LINGO1: variants seen among roughly 807,000 people sequenced by gnomAD.
The protein encoded by LINGO1 is leucine-rich repeat and immunoglobulin-like domain-containing nogo receptor-interacting protein 1.
A neutral mutation model predicts 37.3 loss-of-function variants in LINGO1; 11 were observed. The observed-to-expected ratio is 0.29, with a 90% CI of 0.19 to 0.49. The LOEUF is 0.49. Ranked by LOEUF, LINGO1 falls within the 20% of genes least tolerant of loss-of-function variation. The probability of loss-of-function intolerance (pLI) is 0.99; values close to 1 mark genes in which losing one functional copy is unlikely to be tolerated. For synonymous variants in LINGO1, 387 were observed against 403.0 expected (o/e 0.96, Z 0.48); for missense variants, 585 against 878.2 (o/e 0.67, Z 4.22).
chr15:77,697,254 A>G (rs1481304182), upstream of LINGO1, among the ~76,000 whole-genome samples: 1 of 152,130 alleles, frequency 6.6e-6, no homozygotes, highest in Non-Finnish European at 1.5e-5. Context: ...TGATGGTGGC[A>G]GGGTGGGGAT....
intron 1 of LINGO1, among the ~76,000 whole-genome samples, chr15:77,768,604 G>A (rs975445201): frequency 6.6e-6 from 1 of 152,106 alleles, no homozygotes; most frequent in Non-Finnish European, 1.5e-5. Context: ...AGAGACCTGC[G>A]TGCCTGGACT....
At chr15:77,664,191 A>G (rs2075077345) in intron 3 of LINGO1, among the ~76,000 whole-genome samples, 1 of 125,094 alleles carries the variant, frequency 8.0e-6, no homozygotes, top group African/African-American at 3.8e-5. Flanking sequence ...ATGCGTTTGC[A>G]TTCTCAGCCC....
At chr15:77,800,486 TG>T (rs1339439195) in intron 1 of LINGO1, among the ~76,000 whole-genome samples, 1 of 151,982 alleles carries the variant, frequency 6.6e-6, no homozygotes, top group East Asian at 1.9e-4. Context: ...AAGATGGAGA[TG>T]GAGCATGGAC....
intron 1 of LINGO1, among the ~76,000 whole-genome samples, chr15:77,798,033 C>A (rs986499999): frequency 6.6e-6 from 1 of 152,168 alleles, no homozygotes; most frequent in Non-Finnish European, 1.5e-5. Flanking sequence ...GACAACAGAG[C>A]CACAAAGCAG....
intron 3 of LINGO1, among the ~76,000 whole-genome samples, chr15:77,650,355 G>A (rs997166364): frequency 1.3e-5 from 2 of 152,182 alleles, no homozygotes; most frequent in Non-Finnish European, 2.9e-5. Context: ...AAAGGAGTGG[G>A]GAGGCTTAAA....
At chr15:77,637,701 G>C (rs964596775), upstream of LINGO1, among the ~76,000 whole-genome samples, 1 of 152,096 alleles carries the variant, frequency 6.6e-6, no homozygotes, top group Non-Finnish European at 1.5e-5. This position sits in a 1 kb window ranked among gnomAD's most constrained non-coding sequence, Gnocchi z 4.6. Flanking sequence ...TTAAAGTCAG[G>C]GCTCTAGCCT....
chr15:77,709,622 C>T (rs1051664003), intron 2 of LINGO1, among the ~76,000 whole-genome samples: 5 of 152,204 alleles, frequency 3.3e-5, no homozygotes, highest in African/African-American at 9.7e-5. Flanking sequence ...TTCCTGCACC[C>T]GGCTGTTCCA....
In LINGO1 at chr15:77,632,290, G is replaced by T; in HGVS notation, c.6+20C>A. 7.0e-7 allele frequency: 1 copy of T among 1,424,138 alleles called. No homozygotes were observed. The highest frequency in any genetic ancestry group is 9.2e-7 in the Non-Finnish European group (1 of 1,089,870). 88.2% of individuals were successfully genotyped at this position (1,424,138 alleles called of 1,614,324 possible). On this transcript the variant is annotated intron_variant, in intron 1 of 1. Coordinates refer to ENST00000355300, the MANE Select transcript of LINGO1 (RefSeq NM_032808.7). The surrounding 1 kb of genome is among the most constrained non-coding windows in gnomAD (Gnocchi z 6.0). ...CGCGGGGCTGCCCGCTCGGGGCTCG[G>T]CCGCGGCCGCCTGGCTCACCTGCAT...
intron 2 of LINGO1, among the ~76,000 whole-genome samples, chr15:77,716,132 C>T (rs2075981367): frequency 6.6e-6 from 1 of 151,748 alleles, no homozygotes; most frequent in African/African-American, 2.4e-5. Context: ...GTTCTATAAA[C>T]TTCAGTGACT....
At chr15:77,654,395 A>G (rs868425123) in intron 3 of LINGO1, among the ~76,000 whole-genome samples, 15 of 152,192 alleles carry the variant, frequency 9.9e-5, no homozygotes, top group South Asian at 2.1e-4. Context: ...TGAGTGGCAA[A>G]GTTAAGAGTC....
intron 3 of LINGO1, among the ~76,000 whole-genome samples, chr15:77,662,872 C>T (rs1401806796): frequency 2.0e-5 from 3 of 152,208 alleles, no homozygotes; most frequent in Non-Finnish European, 4.4e-5. Context: ...AGCTGACCAC[C>T]GCACAGAACC....
chr15:77,750,350 A>G (rs1323813910), intron 1 of LINGO1, among the ~76,000 whole-genome samples: 1 of 152,254 alleles, frequency 6.6e-6, no homozygotes, highest in Non-Finnish European at 1.5e-5. Flanking sequence ...TTAAATATAA[A>G]TAACTATTAA....
At chr15:77,742,769 C>G (rs1160790921) in intron 1 of LINGO1, among the ~76,000 whole-genome samples, 3 of 152,208 alleles carry the variant, frequency 2.0e-5, no homozygotes, top group Non-Finnish European at 4.4e-5. Flanking sequence ...AGAGTGGGAG[C>G]ACGGCCAGCT....
chr15:77,734,547 A>G (rs959753087), intron 2 of LINGO1, among the ~76,000 whole-genome samples: 3 of 151,776 alleles, frequency 2.0e-5, no homozygotes, highest in Non-Finnish European at 4.4e-5. Context: ...CTGACCACCC[A>G]GAGCACACCC....
At chr15:77,725,377 G>T (rs532813700) in intron 2 of LINGO1, among the ~76,000 whole-genome samples, 1 of 152,088 alleles carries the variant, frequency 6.6e-6, no homozygotes, top group Non-Finnish European at 1.5e-5. Context: ...GAAACATATC[G>T]AGACCCTGTC....
chr15:77,675,220 C>G (rs1208965743), intron 3 of LINGO1, among the ~76,000 whole-genome samples: 2 of 152,102 alleles, frequency 1.3e-5, no homozygotes, highest in Non-Finnish European at 2.9e-5. Context: ...ATCTGGCTGT[C>G]CAGAACAAAT....
At chr15:77,616,463 C>T (rs115578523) in intron 1 of LINGO1, among the ~76,000 whole-genome samples, 42 of 152,158 alleles carry the variant, frequency 2.8e-4, no homozygotes, top group Non-Finnish European at 5.1e-4. Context: ...GAGTCTCCCC[C>T]GGTGCAGACG....
At chr15:77,694,634 C>G (rs1208226818) in intron 1 of LINGO1, among the ~76,000 whole-genome samples, 1 of 152,246 alleles carries the variant, frequency 6.6e-6, no homozygotes, top group Admixed American at 6.5e-5. Flanking sequence ...CCTGGTTACA[C>G]AGGCCCTGAT....
intron 1 of LINGO1, among the ~76,000 whole-genome samples, chr15:77,812,341 A>G (rs34709918): frequency 0.58 from 87,964 of 152,148 alleles, 26,315 homozygotes; most frequent in Non-Finnish European, 0.67. Context: ...AAATGATGAC[A>G]AGTCAGTAAC....
Sources: allele counts gnomAD v4.1 joint callset (sites outside exome capture counted in the v4.1 genomes callset), GRCh38; gene constraint gnomAD v4.1.1; non-coding constraint Gnocchi (gnomAD v3.1); transcripts MANE v1.5; gene names NCBI Gene and HGNC (gene_info 2026-07-23, HGNC 2026-07-21).